The following KDELR2 variants were observed in gnomAD, a reference collection of about 807,000 sequenced individuals.
KDELR2 encodes the protein KDEL endoplasmic reticulum protein retention receptor 2.
KDELR2 carries 15 observed loss-of-function variants against 23.9 expected under a neutral mutation model. The ratio of observed to expected loss-of-function variants is 0.63; its 90% CI spans 0.42 to 0.97. The LOEUF (loss-of-function observed/expected upper bound fraction) is 0.97, where lower values mean the gene tolerates loss of function less well. Ranked by LOEUF, KDELR2 falls within the 50% of genes least tolerant of loss-of-function variation. The pLI is 0.00. For synonymous variants in KDELR2, 119 were observed against 106.2 expected, an observed-to-expected ratio of 1.12 and a Z score of -0.74; for missense variants, 272 against 254.6, an observed-to-expected ratio of 1.07 and a Z score of -0.46.
rs1562497413 is a variant in KDELR2 at position 6,462,977 on chromosome 7, C to G, written c.*164G>C. 1.9e-6 allele frequency: 3 copies of G among 1,613,336 alleles called. No homozygotes were observed. In the African/African-American group the frequency reaches 4.0e-5, roughly 22 times the overall value. On this transcript the variant is annotated 3_prime_UTR_variant, in exon 5 of 5. Coordinates refer to ENST00000258739, the MANE Select transcript of KDELR2 (RefSeq NM_006854.4). ...TAAGGCAAGATGCATTAAACAGAAA[C>G]CTTCTGGCTCTTTTCCTCTGCGTTT...
At chr7:6,464,197 C>CAAAAAA (rs758537707) in intron 4 of KDELR2, among the ~76,000 whole-genome samples, 2 of 38,764 alleles carry the variant, frequency 5.2e-5, no homozygotes, top group African/African-American at 1.4e-4. Flanking sequence ...AACTCTGTCT[C>CAAAAAA]AAAAAAAAAA....
intron 1 of KDELR2, among the ~76,000 whole-genome samples, chr7:6,482,876 A>C (rs1785933071): frequency 6.6e-6 from 1 of 150,934 alleles, no homozygotes; most frequent in African/African-American, 2.4e-5. Context: ...ATGGTGGTGC[A>C]CGCATGGAGT....
At chr7:6,483,930 A>C (rs988711915) in intron 1 of KDELR2, 37 bp downstream of exon 1, 1 of 1,429,458 alleles carries the variant, frequency 7.0e-7, no homozygotes, top group Non-Finnish European at 9.2e-7. Flanking sequence ...CCCGGCCCCC[A>C]CGCCCGAGCC....
intron 2 of KDELR2, chr7:6,470,104 T>C (rs1399250779): frequency 5.8e-6 from 1 of 171,306 alleles, no homozygotes; most frequent in East Asian, 1.6e-4. Context: ...ATAAATGGAG[T>C]CACATAGTAT....
chr7:6,480,393 T>A (rs1785866186), intron 1 of KDELR2, among the ~76,000 whole-genome samples: 1 of 152,198 alleles, frequency 6.6e-6, no homozygotes, highest in Non-Finnish European at 1.5e-5. Context: ...GCTGCAATGA[T>A]AATTCAGAAT....
Position 6,461,430 on chromosome 7 carries a change from G to A in KDELR2, c.*1711C>T, listed in dbSNP as rs964830973. 9 of 151,958 alleles carry A rather than the reference G, an allele frequency of 5.9e-5. No individual in the cohort carries two copies. Among genetic ancestry groups the A allele is most frequent in the African/African-American group, 2.2e-4 (9 of 41,356 alleles). The allele number at this position is 151,958 out of a possible 1,614,324, so 9.4% of individuals were successfully genotyped here. ...CCACCCACCCTGGGCTGGGCAGCAA[G>A]AGGTCTGCTCACCTACTGCACCAGA... On this transcript the variant is annotated 3_prime_UTR_variant, in exon 5 of 5. Transcript: ENST00000258739.
At chr7:6,479,632 A>G (rs1387894114) in intron 1 of KDELR2, among the ~76,000 whole-genome samples, 5 of 151,982 alleles carry the variant, frequency 3.3e-5, no homozygotes, top group Admixed American at 3.3e-4. Flanking sequence ...GCCCGCCACC[A>G]TGCCCGGCTA....
intron 1 of KDELR2, chr7:6,482,369 G>A (rs900415156): frequency 3.5e-6 from 1 of 284,194 alleles, no homozygotes; most frequent in Middle Eastern, 4.9e-4. Context: ...TTGATATACA[G>A]CAAGTGCCTA....
At chr7:6,468,195 G>C (rs1419181001) in intron 3 of KDELR2, among the ~76,000 whole-genome samples, 1 of 152,046 alleles carries the variant, frequency 6.6e-6, no homozygotes, top group African/African-American at 2.4e-5. Flanking sequence ...TCTCATCTAC[G>C]ATTTTTTTAC....
At chr7:6,474,310 G>C in intron 1 of KDELR2, 26 bp from the exon 2 acceptor site, 3 of 1,468,950 alleles carry the variant, frequency 2.0e-6, no homozygotes, top group South Asian at 2.3e-5. Flanking sequence ...GGAAGTATTA[G>C]AAGGGCCTGA....
intron 4 of KDELR2, among the ~76,000 whole-genome samples, chr7:6,464,281 G>A (rs181225954): frequency 1.8e-3 from 268 of 150,122 alleles, no homozygotes; most frequent in Middle Eastern, 7.0e-3. Context: ...AATACTTTGG[G>A]AGGCTGAGGT....
At chr7:6,465,375 G>A (rs960488112) in intron 4 of KDELR2, among the ~76,000 whole-genome samples, 3 of 151,502 alleles carry the variant, frequency 2.0e-5, no homozygotes, top group Non-Finnish European at 2.9e-5. Flanking sequence ...TAGTAGAGAC[G>A]GGGTTTCACG....
Position 6,466,332 on chromosome 7 carries a change from G to C in KDELR2, c.352-9C>G, listed in dbSNP as rs745504863. On this transcript the variant is annotated splice_polypyrimidine_tract_variant and intron_variant, in intron 3 of 4. Transcript: ENST00000258739. ...GAGAAGGTCCAGAGGATCTGGAAGAGAAATGGCAAGCTTCCATCACGACCC... is the reference window on the plus strand; with the variant it reads ...GAGAAGGTCCAGAGGATCTGGAAGACAAATGGCAAGCTTCCATCACGACCC... 1.2e-6 allele frequency: 2 copies of C among 1,612,026 alleles called. No homozygotes were observed. Among genetic ancestry groups the C allele is most frequent in the Non-Finnish European group, 8.5e-7 (1 of 1,178,998 alleles).
At position 6,469,390 on chromosome 7, in the gene KDELR2, A is replaced by G. The variant is rs1473563735; in HGVS notation, c.351+206T>C. Reference sequence around the variant, plus strand: ...CCTGCCTCAGCCTTCTGAGTAACTGAGATTACAGGTGCGTGCCACCACACC... The same window carrying G: ...CCTGCCTCAGCCTTCTGAGTAACTGGGATTACAGGTGCGTGCCACCACACC... On this transcript the variant is annotated intron_variant, in intron 3 of 4. Coordinates refer to ENST00000258739, the MANE Select transcript of KDELR2 (RefSeq NM_006854.4). Among the ~76,000 whole-genome samples, 5 of 151,596 alleles carry G rather than the reference A, an allele frequency of 3.3e-5. No homozygotes were observed. The East Asian group carries it at 9.8e-4, about 30-fold the overall frequency.
At chr7:6,469,495 T>A in intron 3 of KDELR2, 101 bp downstream of exon 3, 1 of 1,103,786 alleles carries the variant, frequency 9.1e-7, no homozygotes, top group South Asian at 1.5e-5. Flanking sequence ...GACCTCATGA[T>A]CCACCCAAAG....
At chr7:6,466,009 G>C in intron 4 of KDELR2, 62 bp downstream of exon 4, 3 of 1,566,188 alleles carry the variant, frequency 1.9e-6, no homozygotes, top group African/African-American at 1.4e-5. Context: ...AAGAGTGCTG[G>C]GCAAGGGCAC....
Position 6,469,760 on chromosome 7 carries a change from A to G in KDELR2, c.193-6T>C, listed in dbSNP as rs920051763. 1 of 1,601,362 alleles carries G rather than the reference A, an allele frequency of 6.2e-7. No individual in the cohort carries two copies. Among genetic ancestry groups the G allele is most frequent in the Non-Finnish European group, 8.5e-7 (1 of 1,175,360 alleles). Reference sequence around the variant, plus strand: ...GAGCAGGCAAGGTAGATAACCTACAAATAAAAGAAAAAACACCAGGTGTCA... The same window carrying G: ...GAGCAGGCAAGGTAGATAACCTACAGATAAAAGAAAAAACACCAGGTGTCA... On this transcript the variant is annotated splice_polypyrimidine_tract_variant and splice_region_variant and intron_variant, in intron 2 of 4. Coordinates refer to ENST00000258739, the MANE Select transcript of KDELR2 (RefSeq NM_006854.4).
rs376999894 is a variant in KDELR2, at chr7:6,472,457, C to G, written c.192+1727G>C. Reference sequence around the variant, plus strand: ...TACAACCAAGCAAGCATGGATTCCTCTGAAACCTGGGCATCCTGAGGGGGA... The same window carrying G: ...TACAACCAAGCAAGCATGGATTCCTGTGAAACCTGGGCATCCTGAGGGGGA... On this transcript the variant is annotated intron_variant, in intron 2 of 4. Transcript: ENST00000258739. Among the ~76,000 whole-genome samples, 7 of 152,314 alleles carry G rather than the reference C, an allele frequency of 4.6e-5. No homozygotes were observed. In the East Asian group the frequency reaches 1.4e-3, roughly 29 times the overall value.
At chr7:6,475,963 G>A (rs1407834742) in intron 1 of KDELR2, among the ~76,000 whole-genome samples, 1 of 152,140 alleles carries the variant, frequency 6.6e-6, no homozygotes, top group Non-Finnish European at 1.5e-5. Context: ...CCAGGCTGGA[G>A]TGCGGTGGCA....
Sources: allele counts gnomAD v4.1 joint callset (sites outside exome capture counted in the v4.1 genomes callset), GRCh38; gene constraint gnomAD v4.1.1; transcripts MANE v1.5; gene names NCBI Gene and HGNC (gene_info 2026-07-23, HGNC 2026-07-21).